LAMA2: variants seen among roughly 807,000 people sequenced by gnomAD.
LAMA2 encodes the protein laminin subunit alpha-2.
Under a neutral mutation model 364.8 loss-of-function variants are expected in LAMA2, and 269 were observed. That is an observed-to-expected ratio of 0.74 (90% CI 0.67 to 0.82). The LOEUF is 0.82. Ranked by LOEUF, LAMA2 falls within the 40% of genes least tolerant of loss-of-function variation. The pLI, the probability that LAMA2 is intolerant of heterozygous loss-of-function variation, is 0.00. For missense variants in LAMA2, 3,807 were observed against 3,873.2 expected (o/e 0.98, Z 0.45); for synonymous variants, 1,379 against 1,370.6 (o/e 1.01, Z -0.14).
At chr6:129,175,432 C>G (rs773662469) in intron 9 of LAMA2, among the ~76,000 whole-genome samples, 2 of 152,112 alleles carry the variant, frequency 1.3e-5, no homozygotes, top group Non-Finnish European at 2.9e-5. Context: ...AAGATAAGTG[C>G]TATTTGAGTC....
At chr6:129,273,664 A>T (rs1468018219) in intron 17 of LAMA2, among the ~76,000 whole-genome samples, 1 of 152,128 alleles carries the variant, frequency 6.6e-6, no homozygotes, top group African/African-American at 2.4e-5. Context: ...CTGAAAAAGA[A>T]AGAAAGTCTG....
At chr6:129,224,920 CCTTGTACCTCTGG>C (rs1784140775) in intron 12 of LAMA2, among the ~76,000 whole-genome samples, 1 of 152,210 alleles carries the variant, frequency 6.6e-6, no homozygotes, top group Non-Finnish European at 1.5e-5. Context: ...ACCACCTCCT[CCTTGTACCTCTGG>C]TAGAATTCGG....
At chr6:129,484,852 T>C (rs897812534) in intron 55 of LAMA2, among the ~76,000 whole-genome samples, 9 of 152,124 alleles carry the variant, frequency 5.9e-5, no homozygotes, top group Non-Finnish European at 1.2e-4. Flanking sequence ...AGAGATGCAA[T>C]GGTATTGTTT....
intron 28 of LAMA2, among the ~76,000 whole-genome samples, chr6:129,325,738 C>G (rs937137168): frequency 4.6e-4 from 70 of 152,124 alleles, no homozygotes; most frequent in African/African-American, 1.6e-3. Flanking sequence ...GAAACTGGGT[C>G]TCAAAGTAAC....
chr6:129,416,356 T>C (rs1037028079), intron 40 of LAMA2, among the ~76,000 whole-genome samples: 3 of 152,200 alleles, frequency 2.0e-5, no homozygotes, highest in Non-Finnish European at 2.9e-5. Flanking sequence ...ATTCTCAGAA[T>C]TCAAATTTTA....
intron 1 of LAMA2, among the ~76,000 whole-genome samples, chr6:128,910,360 T>C (rs1269566562): frequency 6.6e-6 from 1 of 152,178 alleles, no homozygotes; most frequent in African/African-American, 2.4e-5. Context: ...TTCTCTAAAC[T>C]TCCCTTCTTG....
intron 18 of LAMA2, among the ~76,000 whole-genome samples, chr6:129,281,204 TTTAA>T (rs1788694333): frequency 6.6e-6 from 1 of 152,190 alleles, no homozygotes. Context: ...ACTAGATATC[TTTAA>T]TTGTGTGTGT....
At chr6:129,170,020 AT>A (rs1313409252) in intron 9 of LAMA2, among the ~76,000 whole-genome samples, 2 of 151,478 alleles carry the variant, frequency 1.3e-5, no homozygotes, top group Non-Finnish European at 2.9e-5. Flanking sequence ...CCCCTTTATC[AT>A]TTTTTATTGC....
intron 1 of LAMA2, among the ~76,000 whole-genome samples, chr6:128,949,368 C>T (rs892420856): frequency 4.6e-5 from 7 of 151,892 alleles, no homozygotes; most frequent in African/African-American, 1.7e-4. Flanking sequence ...AACTGTTGCT[C>T]TCTCACTTTA....
intron 3 of LAMA2, among the ~76,000 whole-genome samples, chr6:129,089,644 T>G (rs1774686415): frequency 6.6e-6 from 1 of 152,192 alleles, no homozygotes; most frequent in Non-Finnish European, 1.5e-5. Flanking sequence ...AAACCACAGA[T>G]TGTTTCAAAT....
intron 1 of LAMA2, among the ~76,000 whole-genome samples, chr6:128,931,704 T>C (rs1293825674): frequency 6.6e-6 from 1 of 152,178 alleles, no homozygotes; most frequent in Non-Finnish European, 1.5e-5. Context: ...TTAAAAATTA[T>C]TTTTTCTAAG....
chr6:129,091,422 A>G (rs936517544), intron 3 of LAMA2, among the ~76,000 whole-genome samples: 4 of 152,202 alleles, frequency 2.6e-5, no homozygotes, highest in Non-Finnish European at 5.9e-5. Context: ...GAGTATAAAA[A>G]GTCTGTTTTA....
At chr6:129,464,595 G>GA (rs1783443686) in intron 50 of LAMA2, 143 bp downstream of exon 50, 2 of 761,148 alleles carry the variant, frequency 2.6e-6, no homozygotes, top group Admixed American at 3.5e-5. Context: ...AGCCAAGAAT[G>GA]GGTGATACAG....
intron 8 of LAMA2, among the ~76,000 whole-genome samples, chr6:129,156,392 T>A (rs1238967687): frequency 6.6e-6 from 1 of 152,040 alleles, no homozygotes; most frequent in East Asian, 1.9e-4. Context: ...GCATGTCTTT[T>A]GTTAAATTAA....
At chr6:129,249,136 C>T (rs943930023) in intron 12 of LAMA2, among the ~76,000 whole-genome samples, 4 of 152,158 alleles carry the variant, frequency 2.6e-5, no homozygotes, top group Admixed American at 2.0e-4. Flanking sequence ...CCAGTACATT[C>T]CCAACCAGGA....
chr6:129,121,893 G>A (rs1275471316), intron 4 of LAMA2, among the ~76,000 whole-genome samples: 2 of 152,086 alleles, frequency 1.3e-5, no homozygotes, highest in African/African-American at 4.8e-5. Context: ...AATCTTCCCT[G>A]AGGTAATAGC....
chr6:129,007,820 CT>C (rs1476723158), intron 1 of LAMA2, among the ~76,000 whole-genome samples: 1 of 152,162 alleles, frequency 6.6e-6, no homozygotes, highest in African/African-American at 2.4e-5. Flanking sequence ...CAGGAACACA[CT>C]GTATTGTCAG....
intron 56 of LAMA2, among the ~76,000 whole-genome samples, chr6:129,490,233 T>G (rs952646097): frequency 3.3e-5 from 5 of 152,236 alleles, no homozygotes; most frequent in African/African-American, 7.2e-5. Flanking sequence ...TTCCGCTGTT[T>G]GAAGTAGGTA....
chr6:129,144,654 CGGTTTGTG>C (rs1414424236), intron 5 of LAMA2, among the ~76,000 whole-genome samples: 1 of 151,892 alleles, frequency 6.6e-6, no homozygotes, highest in Admixed American at 6.6e-5. Context: ...CTGATGTTGC[CGGTTTGTG>C]GGCCATCAAA....
Sources: allele counts gnomAD v4.1 joint callset (sites outside exome capture counted in the v4.1 genomes callset), GRCh38; gene constraint gnomAD v4.1.1; transcripts MANE v1.5; gene names NCBI Gene and HGNC (gene_info 2026-07-23, HGNC 2026-07-21).